Variants in NUP50 observed in about 807,000 individuals in gnomAD.
The protein encoded by NUP50 is nuclear pore complex protein Nup50.
In NUP50, 14 loss-of-function variants were observed where a neutral mutation model predicts 36.8. The observed-to-expected ratio is 0.38, with a 90% CI of 0.25 to 0.59. The LOEUF (loss-of-function observed/expected upper bound fraction) is 0.59, where lower values mean the gene tolerates loss of function less well. Ranked by LOEUF, NUP50 falls within the 20% of genes least tolerant of loss-of-function variation. NUP50 has a pLI of 0.63. For synonymous variants in NUP50, 195 were observed against 210.8 expected (o/e 0.93, Z 0.65); for missense variants, 455 against 564.6 (o/e 0.81, Z 1.97).
intron 5 of NUP50, 142 bp from the exon 6 acceptor site, chr22:45,181,144 C>G (rs1357271463): frequency 3.5e-5 from 6 of 173,606 alleles, no homozygotes; most frequent in South Asian, 1.1e-4. Flanking sequence ...ATCCCCCCCC[C>G]CCCCCATTAA....
intron 3 of NUP50, among the ~76,000 whole-genome samples, chr22:45,175,046 G>C (rs930007693): frequency 6.6e-6 from 1 of 151,490 alleles, no homozygotes; most frequent in Non-Finnish European, 1.5e-5. Flanking sequence ...TTAGATGTTC[G>C]GTCTAAGAAG....
At chr22:45,183,816 G>T in intron 7 of NUP50, 3 of 304,016 alleles carry the variant, frequency 9.9e-6, no homozygotes, top group Non-Finnish European at 1.2e-5. Flanking sequence ...CCTTTTAAAG[G>T]AATCCTTTTT....
chr22:45,187,891 TCTAAAA>T lies in NUP50; in HGVS notation c.*3243_*3248del, dbSNP rs1313531743. On this transcript the variant is annotated 3_prime_UTR_variant, in exon 8 of 8. Transcript: ENST00000347635. ...TTTTACTTTAAATAGGAAATTGTTT[TCTAAAA>T]CTAAAATACTTGAATTGTCAGACAA... 1 of 152,688 alleles carries T rather than the reference TCTAAAA, an allele frequency of 6.5e-6. No individual in the cohort carries two copies. Among genetic ancestry groups the T allele is most frequent in the Non-Finnish European group, 1.5e-5 (1 of 68,042 alleles). The allele number at this position is 152,688 out of a possible 1,614,324, so 9.5% of individuals were successfully genotyped here. A position where few individuals can be genotyped will look rare whatever the true frequency, so the allele number is the denominator to read the frequency against.
Position 45,187,886 on chromosome 22 carries a change from T to A in NUP50, c.*3231T>A, listed in dbSNP as rs2083466751. 1 of 152,686 alleles carries A rather than the reference T, an allele frequency of 6.5e-6. No individual in the cohort carries two copies. The highest frequency in any genetic ancestry group is 2.1e-4 in the South Asian group (1 of 4,824). The allele number at this position is 152,686 out of a possible 1,614,324, so 9.5% of individuals were successfully genotyped here. On this transcript the variant is annotated 3_prime_UTR_variant, in exon 8 of 8. Transcript: ENST00000347635. ...TTGCTTTTTACTTTAAATAGGAAAT[T>A]GTTTTCTAAAACTAAAATACTTGAA...
chr22:45,165,301 G>A (rs1968674784), intron 1 of NUP50, among the ~76,000 whole-genome samples: 1 of 152,162 alleles, frequency 6.6e-6, no homozygotes, highest in South Asian at 2.1e-4. Flanking sequence ...CAGTGTAGTG[G>A]TAGCTCACTG....
intron 2 of NUP50, among the ~76,000 whole-genome samples, chr22:45,168,652 A>G (rs2074133327): frequency 6.6e-6 from 1 of 152,184 alleles, no homozygotes; most frequent in South Asian, 2.1e-4. Context: ...TGAAAGTGGT[A>G]CACCATCACC....
chr22:45,177,418 C>T (rs887567354), intron 4 of NUP50, among the ~76,000 whole-genome samples: 9 of 152,090 alleles, frequency 5.9e-5, no homozygotes, highest in African/African-American at 2.2e-4. Flanking sequence ...TGAGCTCAAG[C>T]GATTTGCCCA....
Position 45,185,972 on chromosome 22 carries a change from A to G in NUP50, c.*1317A>G, listed in dbSNP as rs899500385. The G allele has an allele frequency of 1.3e-5, 2 of 152,280 alleles. No homozygotes were observed. The highest frequency in any genetic ancestry group is 4.8e-5 in the African/African-American group (2 of 41,468). The allele number at this position is 152,280 out of a possible 1,614,324, so 9.4% of individuals were successfully genotyped here. A position where few individuals can be genotyped will look rare whatever the true frequency, so the allele number is the denominator to read the frequency against. Reference sequence around the variant, plus strand: ...TGTGTTCTGATCTTCAGTGCGTAGCACATTCTCCATTTAGAAAAGAGTGGT... The same window carrying G: ...TGTGTTCTGATCTTCAGTGCGTAGCGCATTCTCCATTTAGAAAAGAGTGGT... On this transcript the variant is annotated 3_prime_UTR_variant, in exon 8 of 8. Coordinates refer to ENST00000347635, the MANE Select transcript of NUP50 (RefSeq NM_007172.4).
In NUP50 at chr22:45,186,558, G is replaced by T. The variant is rs781513187; in HGVS notation, c.*1903G>T. The T allele has an allele frequency of 6.6e-6, 1 of 152,536 alleles. No homozygotes were observed. Among genetic ancestry groups the T allele is most frequent in the Non-Finnish European group, 1.5e-5 (1 of 68,036 alleles). 9.4% of individuals were successfully genotyped at this position (152,536 alleles called of 1,614,324 possible). On this transcript the variant is annotated 3_prime_UTR_variant, in exon 8 of 8. Coordinates refer to ENST00000347635, the MANE Select transcript of NUP50 (RefSeq NM_007172.4). ...GTATATGACACAGTACTTTGTTAGC[G>T]TCTGCGTGTGTATGGAAAGTTGACA...
At chr22:45,178,203 G>T (rs1409138352) in intron 4 of NUP50, 35 bp from the exon 5 acceptor site, 2 of 1,568,726 alleles carry the variant, frequency 1.3e-6, no homozygotes, top group Admixed American at 3.6e-5. Flanking sequence ...ATCAAATTAG[G>T]CTAAATAAAT....
chr22:45,180,062 T>TG (rs1293605863), intron 5 of NUP50, among the ~76,000 whole-genome samples: 1 of 152,196 alleles, frequency 6.6e-6, no homozygotes. Context: ...GGGCACAGGG[T>TG]GAAATAAGGG....
At position 45,184,458 on chromosome 22, in the gene NUP50, A is replaced by G. The variant is rs1270119385; in HGVS notation, c.1210A>G (p.Ile404Val). 84 of 1,613,962 alleles carry G rather than the reference A, an allele frequency of 5.2e-5. No individual in the cohort carries two copies. Among genetic ancestry groups the G allele is most frequent in the Non-Finnish European group, 7.0e-5 (83 of 1,179,840 alleles). Residue 404 changes from isoleucine to valine, a missense_variant, in exon 8 of 8, where the codon ATA becomes GTA. Ile to Val is a conservative substitution (Grantham distance 29, BLOSUM62 3). This residue lies in a region of NUP50 where 287 missense variants were observed against 345.5 expected (regional missense o/e 0.83). Transcript: ENST00000347635. Reference protein sequence around the residue: ...LVRADTNLGNILLNVLIPPNM... With the variant: ...LVRADTNLGNVLLNVLIPPNM... The stretch of plus-strand genomic sequence containing the variant: ...TTTTGTTTGTTTGAATGCAGGCAAC[A>G]TATTGCTGAACGTTCTGATTCCACC...
rs1156890714 is a variant in NUP50, at chr22:45,186,733, T to G, written c.*2078T>G. 6.5e-6 allele frequency: 1 copy of G among 152,672 alleles called. No homozygotes were observed. Among genetic ancestry groups the G allele is most frequent in the African/African-American group, 2.4e-5 (1 of 41,458 alleles). 9.5% of individuals were successfully genotyped at this position (152,672 alleles called of 1,614,324 possible). A position where few individuals can be genotyped will look rare whatever the true frequency, so the allele number is the denominator to read the frequency against. On this transcript the variant is annotated 3_prime_UTR_variant, in exon 8 of 8. Coordinates refer to ENST00000347635, the MANE Select transcript of NUP50 (RefSeq NM_007172.4). ...ATTTTTGCTGCTAAGACTATCACTG[T>G]TAAAGTGAAAATTACAGGGAAAAAT...
At chr22:45,182,597 C>A (rs572442337) in intron 6 of NUP50, among the ~76,000 whole-genome samples, 1 of 143,530 alleles carries the variant, frequency 7.0e-6, no homozygotes, top group Admixed American at 7.1e-5. Context: ...GTTGTGCAAT[C>A]AAAAACTGAA....
At chr22:45,170,230 C>G (rs898834642) in intron 2 of NUP50, among the ~76,000 whole-genome samples, 1 of 152,052 alleles carries the variant, frequency 6.6e-6, no homozygotes, top group East Asian at 1.9e-4. Flanking sequence ...GGGCCACTGC[C>G]GGTCTCCGTG....
chr22:45,168,882 G>A lies in NUP50; in HGVS notation c.69+636G>A, dbSNP rs997038966. 5.4e-5 allele frequency among the ~76,000 whole-genome samples: 8 copies of A among 147,880 alleles called. No individual in the cohort carries two copies. The South Asian group carries it at 6.5e-4, about 12-fold the overall frequency. On this transcript the variant is annotated intron_variant, in intron 2 of 7. Transcript: ENST00000347635. ...GGACTGGGCAGCATAGAGAGATCCC[G>A]GTCTCTATAAAAAAAATTTTTTTTT... is the stretch of plus-strand genomic sequence containing the variant.
rs374009984 is a variant in NUP50, at chr22:45,181,347, A to C, written c.1065A>C (p.Glu355Asp). ...TAGTAGTTACCGAAGTAAAAGAAGAAGATGCTTTTTACTCCAAAAAGTAAG... is the reference window on the plus strand; with the variant it reads ...TAGTAGTTACCGAAGTAAAAGAAGACGATGCTTTTTACTCCAAAAAGTAAG... ...PKVVVTEVKE[E>D]DAFYSKKCKL... The change falls in exon 6 of 8, where the codon GAA becomes GAC. Residue 355 changes from glutamate to aspartate, a missense_variant. Physicochemically the swap from Glu to Asp is conservative, Grantham distance 45 (BLOSUM62 2). Transcript: ENST00000347635. 9.4e-6 allele frequency: 15 copies of C among 1,590,738 alleles called. No homozygotes were observed. The highest frequency in any genetic ancestry group is 8.0e-5 in the South Asian group (7 of 87,138).
Position 45,178,996 on chromosome 22 carries a change from A to G in NUP50, c.1003+96A>G, listed in dbSNP as rs375432625. The G allele has an allele frequency of 2.5e-5, 30 of 1,190,400 alleles. 1 individual carries two copies. The East Asian group carries it at 4.4e-4, about 18-fold the overall frequency. 73.7% of individuals were successfully genotyped at this position (1,190,400 alleles called of 1,614,324 possible). ...TGATTCCAAATATGAGTCTGGATTCACATTGAGACGTTGTTCTCTCCATGT... is the reference window on the plus strand; with the variant it reads ...TGATTCCAAATATGAGTCTGGATTCGCATTGAGACGTTGTTCTCTCCATGT... On this transcript the variant is annotated intron_variant, in intron 5 of 7. Transcript: ENST00000347635.
intron 7 of NUP50, chr22:45,183,818 A>T (rs938685443): frequency 3.3e-6 from 1 of 299,468 alleles, no homozygotes; most frequent in African/African-American, 2.2e-5. Flanking sequence ...TTTTAAAGGA[A>T]TCCTTTTTAT....
Sources: gnomAD v4.1 joint callset for allele counts (sites outside exome capture counted in the v4.1 genomes callset) on GRCh38, gnomAD v4.1.1 for gene constraint, gnomAD v4.1.1 regional missense constraint, MANE v1.5 for transcripts, NCBI Gene and HGNC (gene_info 2026-07-23, HGNC 2026-07-21) for gene names.